NDEL1: variants seen among roughly 807,000 people sequenced by gnomAD.
NDEL1 encodes nudE neurodevelopment protein 1 like 1.
In NDEL1, 9 loss-of-function variants were observed where a neutral mutation model predicts 45.7. The ratio of observed to expected loss-of-function variants is 0.20; its 90% CI spans 0.12 to 0.34. The LOEUF (loss-of-function observed/expected upper bound fraction) is 0.34. Ranked by LOEUF, NDEL1 falls within the 10% of genes least tolerant of loss-of-function variation. The probability of loss-of-function intolerance (pLI) is 1.00; values close to 1 mark genes in which losing one functional copy is unlikely to be tolerated. For missense variants in NDEL1, 306 were observed against 406.2 expected (o/e 0.75, Z 2.12); for synonymous variants, 133 against 158.6 (o/e 0.84, Z 1.21).
chr17:8,437,561 G>C (rs1567726436), intron 1 of NDEL1, among the ~76,000 whole-genome samples: 1 of 152,172 alleles, frequency 6.6e-6, no homozygotes, highest in Admixed American at 6.5e-5. Flanking sequence ...AAAGAAGTCT[G>C]ATAGAATCAA....
chr17:8,445,402 C>T (rs1408121283), intron 2 of NDEL1, among the ~76,000 whole-genome samples: 1 of 152,146 alleles, frequency 6.6e-6, no homozygotes, highest in Non-Finnish European at 1.5e-5. Flanking sequence ...AAATTTGTTA[C>T]TTTAATGAAA....
At chr17:8,436,666 G>A (rs1283615498) in intron 1 of NDEL1, 1 of 152,268 alleles carries the variant, frequency 6.6e-6, no homozygotes, top group African/African-American at 2.4e-5. Flanking sequence ...TGTAAGCCAT[G>A]AGATGACCCT....
intron 4 of NDEL1, 63 bp from the exon 5 acceptor site, chr17:8,448,487 T>C (rs1910241524): frequency 6.6e-7 from 1 of 1,525,734 alleles, no homozygotes; most frequent in Non-Finnish European, 8.9e-7. Flanking sequence ...GACAGTTTCC[T>C]TTTGTACTAT....
chr17:8,431,926 C>T (rs1389591425), upstream of NDEL1: 4 of 141,778 alleles, frequency 2.8e-5, no homozygotes, highest in African/African-American at 1.1e-4. Flanking sequence ...GTGGCATGAT[C>T]TTGGCTCACT....
chr17:8,462,547 G>A (rs1037835271), intron 8 of NDEL1, among the ~76,000 whole-genome samples: 4 of 152,174 alleles, frequency 2.6e-5, no homozygotes, highest in Non-Finnish European at 4.4e-5. Flanking sequence ...AAAAGGAAGG[G>A]CAGGATATTC....
intron 4 of NDEL1, among the ~76,000 whole-genome samples, chr17:8,447,579 A>G (rs1440495236): frequency 6.7e-6 from 1 of 150,072 alleles, no homozygotes; most frequent in African/African-American, 2.4e-5. Flanking sequence ...TCTAGCTGAT[A>G]TATCTTTATA....
At chr17:8,473,484 C>A (rs1263116716) in intron 3 of NDEL1, among the ~76,000 whole-genome samples, 1 of 152,192 alleles carries the variant, frequency 6.6e-6, no homozygotes, top group Non-Finnish European at 1.5e-5. Flanking sequence ...CCATGCCCAG[C>A]CCAGAGTTCT....
intron 7 of NDEL1, among the ~76,000 whole-genome samples, chr17:8,455,141 C>T (rs1030375626): frequency 3.9e-5 from 6 of 152,196 alleles, no homozygotes; most frequent in South Asian, 2.1e-4. Flanking sequence ...TTCAACAGCA[C>T]GATGCCTCTG....
chr17:8,433,731 G>T (rs183521628), upstream of NDEL1, among the ~76,000 whole-genome samples: 7 of 152,074 alleles, frequency 4.6e-5, no homozygotes, highest in East Asian at 1.4e-3. Context: ...GCCCAGGCTG[G>T]TCTCGAACTT....
At chr17:8,437,495 T>C (rs890666509) in intron 1 of NDEL1, among the ~76,000 whole-genome samples, 1 of 152,212 alleles carries the variant, frequency 6.6e-6, no homozygotes, top group Non-Finnish European at 1.5e-5. Context: ...ATAAATTTGG[T>C]TACTAAAGCT....
At chr17:8,414,446 T>G (rs1402992945) in intron 1 of NDEL1, among the ~76,000 whole-genome samples, 3 of 152,146 alleles carry the variant, frequency 2.0e-5, no homozygotes, top group Non-Finnish European at 1.5e-5. Context: ...GGCTGGCGGA[T>G]CATGAGGTCA....
rs540181058 is a variant in NDEL1, at chr17:8,460,986, A to G, written c.944+826A>G. On this transcript the variant is annotated intron_variant, in intron 8 of 8. Transcript: ENST00000334527. ...TACGTGGTTGTATGAGTATGCCTTA[A>G]TATAGGTCACTATTAGGACCCGTGG... Among the ~76,000 whole-genome samples, 123 of 152,288 alleles carry G rather than the reference A, an allele frequency of 8.1e-4. 1 individual carries two copies. Among genetic ancestry groups the G allele is most frequent in the African/African-American group, 2.6e-3 (106 of 41,568 alleles).
intron 8 of NDEL1, among the ~76,000 whole-genome samples, chr17:8,462,560 C>G (rs1911277521): frequency 6.6e-6 from 1 of 152,218 alleles, no homozygotes; most frequent in South Asian, 2.1e-4. Context: ...GGATATTCCA[C>G]TTCCCAGGTC....
At chr17:8,431,007 G>A (rs1038095406), upstream of NDEL1, among the ~76,000 whole-genome samples, 3 of 152,168 alleles carry the variant, frequency 2.0e-5, no homozygotes, top group African/African-American at 7.2e-5. Flanking sequence ...ATTAAGATAA[G>A]GCCAATAGTC....
chr17:8,446,588 T>C (rs1910091504), intron 3 of NDEL1, among the ~76,000 whole-genome samples, 166 bp from the exon 4 acceptor site: 1 of 152,166 alleles, frequency 6.6e-6, no homozygotes, highest in Non-Finnish European at 1.5e-5. Context: ...TTAACATGAG[T>C]TTAGGCACTT....
intron 8 of NDEL1, chr17:8,466,568 T>C (rs1911605470): frequency 1.1e-5 from 2 of 186,612 alleles, no homozygotes; most frequent in African/African-American, 4.7e-5. Context: ...TTGTGGAATG[T>C]GTTTTTAATG....
At chr17:8,424,561 G>A (rs922073998) in intron 1 of NDEL1, among the ~76,000 whole-genome samples, 14 of 152,362 alleles carry the variant, frequency 9.2e-5, no homozygotes, top group African/African-American at 3.4e-4. Flanking sequence ...GAGCGCAGTG[G>A]CGCGATCTCA....
At chr17:8,468,251 C>T (rs1597566561), downstream of NDEL1, 1 of 152,388 alleles carries the variant, frequency 6.6e-6, no homozygotes, top group South Asian at 2.1e-4. Context: ...GCTGCTCTGA[C>T]ATGGGACACG....
At position 8,445,736 on chromosome 17, in the gene NDEL1, G is replaced by C. The variant is rs1411163938; in HGVS notation, c.112G>C (p.Val38Leu). Residue 38 changes from valine to leucine, a missense_variant, in exon 3 of 9, where the codon GTT becomes CTT. By Grantham distance (32) the Val-to-Leu change is conservative (BLOSUM62 1). Transcript: ENST00000334527. Reference sequence around the variant, plus strand: ...CTTCCAGGAAGCTCGGGATGAGCTAGTTGAATTCCAGGAAGGAAGCAGAGA... The same window carrying C: ...CTTCCAGGAAGCTCGGGATGAGCTACTTGAATTCCAGGAAGGAAGCAGAGA... ...QSFQEARDEL[V>L]EFQEGSRELE... 3.1e-6 allele frequency: 5 copies of C among 1,596,238 alleles called. No individual in the cohort carries two copies. In the Admixed American group the frequency reaches 8.9e-5, roughly 28 times the overall value.
Sources: allele counts gnomAD v4.1 joint callset (sites outside exome capture counted in the v4.1 genomes callset), GRCh38; gene constraint gnomAD v4.1.1; transcripts MANE v1.5; gene names NCBI Gene and HGNC (gene_info 2026-07-23, HGNC 2026-07-21).